The following WDR4 variants were observed in gnomAD, a reference collection of about 807,000 sequenced individuals.
WDR4 encodes tRNA (guanine-N(7)-)-methyltransferase non-catalytic subunit WDR4.
WDR4 carries 47 observed loss-of-function variants against 48.6 expected under a neutral mutation model. The ratio of observed to expected loss-of-function variants is 0.97; its 90% CI spans 0.77 to 1.23. WDR4 has a LOEUF of 1.23. Ranked by LOEUF, WDR4 falls within the 50% of genes most tolerant of loss-of-function variation. WDR4 has a pLI of 0.00. For missense variants in WDR4, 606 were observed against 551.6 expected (o/e 1.10, Z -0.99); for synonymous variants, 268 against 230.0 (o/e 1.17, Z -1.49).
At chr21:42,853,499 G>T in intron 9 of WDR4, 70 bp downstream of exon 9, 1 of 1,503,960 alleles carries the variant, frequency 6.6e-7, no homozygotes, top group Non-Finnish European at 9.0e-7. Context: ...AAAAAACATA[G>T]CTGCCGCCCC....
chr21:42,848,299 G>A (rs973640910), downstream of WDR4, among the ~76,000 whole-genome samples: 15 of 151,916 alleles, frequency 9.9e-5, no homozygotes, highest in South Asian at 6.2e-4. Context: ...ATCACGCGGC[G>A]CACACCTCAC....
At chr21:42,850,771 A>C (rs2057804258) in intron 10 of WDR4, among the ~76,000 whole-genome samples, 2 of 152,188 alleles carry the variant, frequency 1.3e-5, no homozygotes, top group African/African-American at 4.8e-5. Context: ...GGGGTGCCTT[A>C]AGGCATCGAG....
chr21:42,844,358 A>AT (rs1452472033), downstream of WDR4, among the ~76,000 whole-genome samples: 1 of 151,996 alleles, frequency 6.6e-6, no homozygotes, highest in Non-Finnish European at 1.5e-5. Context: ...AGAGAAAAAA[A>AT]CAAAAGCAGC....
the WDR4 span, among the ~76,000 whole-genome samples, chr21:42,885,294 G>C: frequency 2.6e-5 from 4 of 151,786 alleles, no homozygotes. Flanking sequence ...GGTATTCATA[G>C]CCCTTTATTA....
At chr21:42,863,714 C>T in intron 3 of WDR4, 118 bp from the exon 4 acceptor site, 2 of 1,230,840 alleles carry the variant, frequency 1.6e-6, no homozygotes, top group Non-Finnish European at 2.3e-6. Context: ...CTCTGTTTTC[C>T]AGCTGCTGAA....
intron 9 of WDR4, 120 bp downstream of exon 9, chr21:42,853,449 C>A: frequency 8.5e-7 from 1 of 1,181,894 alleles, no homozygotes. Flanking sequence ...ACCCTGGGCC[C>A]CAGAAGTGGC....
the WDR4 span, among the ~76,000 whole-genome samples, chr21:42,886,586 C>G: frequency 0.6 from 91,386 of 152,118 alleles, 28,231 homozygotes; most frequent in African/African-American, 0.71. Context: ...AGTTTGCCCA[C>G]CACTTTGCCA....
chr21:42,847,226 A>C (rs2057718660), downstream of WDR4, among the ~76,000 whole-genome samples: 1 of 152,218 alleles, frequency 6.6e-6, no homozygotes, highest in Non-Finnish European at 1.5e-5. Context: ...GAACAGACCC[A>C]GTTGCGAGGC....
chr21:42,845,245 A>C (rs2057701012), downstream of WDR4, among the ~76,000 whole-genome samples: 1 of 152,260 alleles, frequency 6.6e-6, no homozygotes, highest in Non-Finnish European at 1.5e-5. Context: ...AAACAACAAC[A>C]AAATCTGGAG....
the WDR4 span, among the ~76,000 whole-genome samples, chr21:42,892,664 C>T: frequency 6.6e-6 from 1 of 152,202 alleles, no homozygotes; most frequent in African/African-American, 2.4e-5. Context: ...TACACCGACT[C>T]CACAATTACG....
chr21:42,870,050 T>C (rs796502757), intron 3 of WDR4, among the ~76,000 whole-genome samples: 5 of 148,896 alleles, frequency 3.4e-5, no homozygotes, highest in African/African-American at 1.2e-4. Context: ...AGTAGAGGGA[T>C]AGTCAAGAAA....
intron 6 of WDR4, among the ~76,000 whole-genome samples, chr21:42,857,984 G>C (rs755445235): frequency 1.3e-5 from 2 of 152,008 alleles, no homozygotes; most frequent in African/African-American, 4.8e-5. Flanking sequence ...CTAGCTACTC[G>C]GGAGGCCTGA....
intron 10 of WDR4, among the ~76,000 whole-genome samples, chr21:42,851,114 A>G (rs2057816526): frequency 6.6e-6 from 1 of 152,174 alleles, no homozygotes; most frequent in African/African-American, 2.4e-5. Context: ...CAGGAGAGCG[A>G]GCCCAGGCTT....
chr21:42,871,452 C>T (rs184917217), intron 3 of WDR4, among the ~76,000 whole-genome samples: 101 of 152,366 alleles, frequency 6.6e-4, no homozygotes, highest in Non-Finnish European at 7.8e-4. Flanking sequence ...GAGCAGGACA[C>T]CTCAAGGCCA....
the WDR4 span, among the ~76,000 whole-genome samples, chr21:42,888,050 A>G: frequency 6.6e-6 from 1 of 152,224 alleles, no homozygotes; most frequent in Non-Finnish European, 1.5e-5. Flanking sequence ...TTCATGACAT[A>G]CCATTTTCTT....
At position 42,876,544 on chromosome 21, in the gene WDR4, G is replaced by A. The variant is rs2058496750; in HGVS notation, c.155+158C>T. On this transcript the variant is annotated intron_variant, in intron 2 of 10. Coordinates refer to ENST00000398208, the MANE Select transcript of WDR4 (RefSeq NM_018669.6). ...TGTACTCTTAATGCCTAACCTAAAA[G>A]TTACTTTTACATGTCTCTCCTGAGG... is the stretch of plus-strand genomic sequence containing the variant. Among the ~76,000 whole-genome samples, 3 of 152,090 alleles carry A rather than the reference G, an allele frequency of 2.0e-5. No individual in the cohort carries two copies. In the South Asian group the frequency reaches 6.2e-4, roughly 31 times the overall value.
intron 2 of WDR4, among the ~76,000 whole-genome samples, chr21:42,875,397 A>C (rs1392494563): frequency 6.6e-6 from 1 of 151,108 alleles, no homozygotes; most frequent in African/African-American, 2.4e-5. Context: ...TAAAAATACA[A>C]AAAAAAAATT....
chr21:42,892,726 G>C, the WDR4 span, among the ~76,000 whole-genome samples: 1 of 152,220 alleles, frequency 6.6e-6, no homozygotes, highest in African/African-American at 2.4e-5. Context: ...GTGAAACAAA[G>C]CTTCCATTTC....
At chr21:42,861,332 AGGGTG>A (rs1220223400) in intron 5 of WDR4, among the ~76,000 whole-genome samples, 1 of 7,936 alleles carries the variant, frequency 1.3e-4, no homozygotes, top group Non-Finnish European at 2.3e-4. Context: ...AGGGAGGGGA[AGGGTG>A]GGGTGGGGAG....
Sources: gnomAD v4.1 joint callset for allele counts (sites outside exome capture counted in the v4.1 genomes callset) on GRCh38, gnomAD v4.1.1 for gene constraint, MANE v1.5 for transcripts, NCBI Gene and HGNC (gene_info 2026-07-23, HGNC 2026-07-21) for gene names.